UBE4A: variants seen among roughly 807,000 people sequenced by gnomAD.
The protein encoded by UBE4A is ubiquitination factor E4A.
UBE4A carries 48 observed loss-of-function variants against 117.9 expected under a neutral mutation model. That is an observed-to-expected ratio of 0.41 (90% CI 0.32 to 0.52). The LOEUF is 0.52. Among genes scored for constraint, UBE4A ranks in the 20% least tolerant of loss-of-function variants. The pLI is 0.33. For synonymous variants in UBE4A, 407 were observed against 450.0 expected, an observed-to-expected ratio of 0.90 and a Z score of 1.21; for missense variants, 1,067 against 1,296.3, an observed-to-expected ratio of 0.82 and a Z score of 2.72.
At position 118,388,693 on chromosome 11, in the gene UBE4A, A is replaced by G. The variant is rs7944360; in HGVS notation, c.2588-1032A>G. Among the ~76,000 whole-genome samples, 286 of 152,292 alleles carry G rather than the reference A, an allele frequency of 1.9e-3. 1 individual carries two copies. The highest frequency in any genetic ancestry group is 6.7e-3 in the African/African-American group (277 of 41,556). Reference sequence around the variant, plus strand: ...GATGAGTCTACAAGATGTATCCACAATGAAGTTCATTGATAAGTGTAGGAA... The same window carrying G: ...GATGAGTCTACAAGATGTATCCACAGTGAAGTTCATTGATAAGTGTAGGAA... On this transcript the variant is annotated intron_variant, in intron 16 of 19. Transcript: ENST00000252108.
chr11:118,372,460 A>G, intron 5 of UBE4A, 47 bp from the exon 6 acceptor site: 1 of 1,562,076 alleles, frequency 6.4e-7, no homozygotes. Context: ...CTTTCGTTCC[A>G]GATTACAGAG....
At chr11:118,381,044 C>T (rs2134100220) in intron 11 of UBE4A, among the ~76,000 whole-genome samples, 1 of 152,312 alleles carries the variant, frequency 6.6e-6, no homozygotes, top group South Asian at 2.1e-4. Context: ...ATCCTGGAGT[C>T]TGGCTACCAC....
chr11:118,396,364 G>T lies in UBE4A; in HGVS notation c.3125G>T (p.Arg1042Leu). ...NRSPLTMDQI[R>L]PNTELKEKIQ... is the part of the protein sequence containing the mutation. Reference sequence around the variant, plus strand: ...AGTCCCCTCACCATGGACCAGATCCGGCCAAACACAGAACTAAAAGAAAAA... The same window carrying T: ...AGTCCCCTCACCATGGACCAGATCCTGCCAAACACAGAACTAAAAGAAAAA... The change falls in exon 20 of 20, where the codon CGG becomes CTG. Residue 1042 changes from arginine to leucine, a missense_variant. Arg to Leu is a moderately radical substitution (Grantham distance 102). Coordinates refer to ENST00000252108, the MANE Select transcript of UBE4A (RefSeq NM_001204077.2). The T allele has an allele frequency of 6.2e-7, 1 of 1,613,718 alleles. No individual in the cohort carries two copies. The highest frequency in any genetic ancestry group is 1.1e-5 in the South Asian group (1 of 91,050).
intron 3 of UBE4A, 125 bp from the exon 4 acceptor site, chr11:118,369,298 G>A (rs969557262): frequency 6.1e-6 from 4 of 659,492 alleles, no homozygotes; most frequent in African/African-American, 5.4e-5. Context: ...GTTGCTTTGT[G>A]TATCAGGATC....
chr11:118,369,496 A>G lies in UBE4A; in HGVS notation c.369A>G (p.Leu123=). The change falls in exon 4 of 20, where the codon CTA becomes CTG. Residue 123 remains leucine, a synonymous_variant. Coordinates refer to ENST00000252108, the MANE Select transcript of UBE4A (RefSeq NM_001204077.2). ...ATTTGGAAGAAATGGCAGTAGAGCT[A>G]GAAGATCAAGACTGGCTTGATATGA... The part of the protein sequence containing the change: ...CVYLEEMAVE[L]EDQDWLDMSN... 1 of 1,614,256 alleles carries G rather than the reference A, an allele frequency of 6.2e-7. No individual in the cohort carries two copies. The highest frequency in any genetic ancestry group is 8.5e-7 in the Non-Finnish European group (1 of 1,180,036).
chr11:118,378,330 G>A (rs1555125742), intron 10 of UBE4A, among the ~76,000 whole-genome samples: 1 of 151,898 alleles, frequency 6.6e-6, no homozygotes, highest in Non-Finnish European at 1.5e-5. Flanking sequence ...TTAAGGAAAT[G>A]TTTATAAGGG....
chr11:118,373,932 T>C (rs1415621413), intron 8 of UBE4A, among the ~76,000 whole-genome samples: 1 of 151,840 alleles, frequency 6.6e-6, no homozygotes, highest in Non-Finnish European at 1.5e-5. Context: ...GGCAACACAG[T>C]GAGACCCCCA....
chr11:118,395,003 C>T (rs80009470), intron 19 of UBE4A, among the ~76,000 whole-genome samples: 2 of 152,026 alleles, frequency 1.3e-5, no homozygotes, highest in African/African-American at 4.8e-5. Context: ...ATACTTTGAC[C>T]CAAAGTTAAG....
At chr11:118,388,749 T>C (rs782157193) in intron 16 of UBE4A, among the ~76,000 whole-genome samples, 1 of 151,864 alleles carries the variant, frequency 6.6e-6, no homozygotes. Context: ...TGTCCACCAG[T>C]AAAGACATTA....
intron 2 of UBE4A, among the ~76,000 whole-genome samples, chr11:118,365,902 G>C (rs1349413445): frequency 6.6e-6 from 1 of 152,152 alleles, no homozygotes; most frequent in Non-Finnish European, 1.5e-5. Context: ...ATATACACTA[G>C]AAGAATTAGG....
intron 2 of UBE4A, among the ~76,000 whole-genome samples, chr11:118,368,256 A>G (rs1330776116): frequency 3.3e-5 from 5 of 152,230 alleles, no homozygotes; most frequent in Non-Finnish European, 7.4e-5. Flanking sequence ...GTTAAGAACT[A>G]TTAAAACAAA....
At chr11:118,369,248 G>T (rs1462452586) in intron 3 of UBE4A, among the ~76,000 whole-genome samples, 175 bp from the exon 4 acceptor site, 1 of 152,062 alleles carries the variant, frequency 6.6e-6, no homozygotes, top group Non-Finnish European at 1.5e-5. Flanking sequence ...CCCATTCTCT[G>T]TGACTAGAGG....
At chr11:118,365,720 C>T (rs1565528851) in intron 2 of UBE4A, among the ~76,000 whole-genome samples, 4 of 152,258 alleles carry the variant, frequency 2.6e-5, no homozygotes, top group South Asian at 4.2e-4. Context: ...TCTTCTGTTC[C>T]GATGAGTGGC....
chr11:118,373,760 C>T, intron 8 of UBE4A, 75 bp downstream of exon 8: 3 of 1,466,526 alleles, frequency 2.0e-6, no homozygotes, highest in African/African-American at 1.4e-5. Flanking sequence ...ACAGATAAGG[C>T]TGCTCAAGCC....
intron 18 of UBE4A, among the ~76,000 whole-genome samples, chr11:118,391,449 C>A (rs1283561197): frequency 1.3e-5 from 2 of 150,030 alleles, no homozygotes; most frequent in Non-Finnish European, 3.0e-5. Flanking sequence ...AACCACTGCA[C>A]TCCAGCCTGG....
intron 5 of UBE4A, among the ~76,000 whole-genome samples, chr11:118,372,281 C>G (rs756352331): frequency 4.6e-5 from 7 of 152,122 alleles, no homozygotes; most frequent in Admixed American, 1.3e-4. Flanking sequence ...CTCATGAATT[C>G]ATTTCCACTG....
chr11:118,379,931 C>G (rs1948686337), intron 11 of UBE4A, among the ~76,000 whole-genome samples, 181 bp downstream of exon 11: 1 of 152,184 alleles, frequency 6.6e-6, no homozygotes. Context: ...AGTTTGTTCC[C>G]TCAACCTTGT....
intron 19 of UBE4A, among the ~76,000 whole-genome samples, chr11:118,394,111 G>C (rs1373156272): frequency 6.6e-6 from 1 of 151,998 alleles, no homozygotes; most frequent in African/African-American, 2.4e-5. Context: ...TTTTAGTCCG[G>C]CATTAGAAAG....
intron 2 of UBE4A, among the ~76,000 whole-genome samples, 176 bp from the exon 3 acceptor site, chr11:118,368,455 C>T (rs1591295183): frequency 6.6e-6 from 1 of 152,124 alleles, no homozygotes; most frequent in East Asian, 1.9e-4. Flanking sequence ...GATTTATAGC[C>T]AGGAATTTCA....
Sources: gnomAD v4.1 joint callset for allele counts (sites outside exome capture counted in the v4.1 genomes callset) on GRCh38, gnomAD v4.1.1 for gene constraint, MANE v1.5 for transcripts, NCBI Gene and HGNC (gene_info 2026-07-23, HGNC 2026-07-21) for gene names.